RARA: variants seen among roughly 807,000 people sequenced by gnomAD.
RARA encodes PML-DDX5-RARA fusion.
A neutral mutation model predicts 42.8 loss-of-function variants in RARA; 5 were observed. That is an observed-to-expected ratio of 0.12 (90% confidence interval 0.06 to 0.25). The LOEUF (loss-of-function observed/expected upper bound fraction) is 0.25. Among genes scored for constraint, RARA ranks in the 10% least tolerant of loss-of-function variants. RARA has a pLI of 1.00. For missense variants in RARA, 402 were observed against 628.7 expected, an observed-to-expected ratio of 0.64 and a Z score of 3.86; for synonymous variants, 256 against 259.5, an observed-to-expected ratio of 0.99 and a Z score of 0.13.
At chr17:40,346,483 A>T (rs374785841) in intron 2 of RARA, among the ~76,000 whole-genome samples, 2 of 146,046 alleles carry the variant, frequency 1.4e-5, no homozygotes, top group African/African-American at 5.1e-5. Flanking sequence ...GGTCCCCCCA[A>T]CCCTCCACAT....
chr17:40,315,908 G>C (rs960235058), intron 1 of RARA, among the ~76,000 whole-genome samples: 5 of 152,160 alleles, frequency 3.3e-5, no homozygotes, highest in African/African-American at 1.2e-4. Context: ...GGCGCCCCGA[G>C]CCTGTGGCTT....
chr17:40,341,610 G>A, intron 2 of RARA: 2 of 1,356,446 alleles, frequency 1.5e-6, no homozygotes, highest in South Asian at 1.8e-5. Context: ...GATGTCACGG[G>A]CAGCGGTGGG....
At position 40,356,265 on chromosome 17, in the gene RARA, C is replaced by T. The variant is rs1391573099; in HGVS notation, c.*39C>T. The stretch of plus-strand genomic sequence containing the variant: ...ATGGACACAGCCCTCGCCCTCCGCC[C>T]CGGCTTTTCTCTGCCTTTCTACCGA... On this transcript the variant is annotated 3_prime_UTR_variant, in exon 9 of 9. Coordinates refer to ENST00000254066, the MANE Select transcript of RARA (RefSeq NM_000964.4). 1 of 1,535,776 alleles carries T rather than the reference C, an allele frequency of 6.5e-7. No homozygotes were observed. The highest frequency in any genetic ancestry group is 8.8e-7 in the Non-Finnish European group (1 of 1,135,002).
intron 2 of RARA, among the ~76,000 whole-genome samples, chr17:40,346,763 G>A (rs1342726316): frequency 6.6e-6 from 1 of 152,174 alleles, no homozygotes; most frequent in African/African-American, 2.4e-5. Flanking sequence ...AGCAGACGGC[G>A]GTGGGGAGGT....
chr17:40,357,390 C>G lies in RARA; in HGVS notation c.*1164C>G. 1 of 233,886 alleles carries G rather than the reference C, an allele frequency of 4.3e-6. No individual in the cohort carries two copies. Among genetic ancestry groups the G allele is most frequent in the Non-Finnish European group, 8.4e-6 (1 of 118,554 alleles). The allele number at this position is 233,886 out of a possible 1,614,324, so 14.5% of individuals were successfully genotyped here. ...TAGATGGGCCGACACACACTTGGCC[C>G]GAGTTCCTCCATTTCCCTGGCCTGC... is the stretch of plus-strand genomic sequence containing the variant. On this transcript the variant is annotated 3_prime_UTR_variant, in exon 9 of 9. Coordinates refer to ENST00000254066, the MANE Select transcript of RARA (RefSeq NM_000964.4).
At chr17:40,314,815 A>G (rs578131903) in intron 1 of RARA, among the ~76,000 whole-genome samples, 6 of 150,574 alleles carry the variant, frequency 4.0e-5, no homozygotes, top group African/African-American at 1.2e-4. Flanking sequence ...TCTCCCCCGG[A>G]TGCAGCTGAG....
chr17:40,351,998 G>T lies in RARA; in HGVS notation c.558G>T (p.Glu186Asp). 1 of 1,603,030 alleles carries T rather than the reference G, an allele frequency of 6.2e-7. No homozygotes were observed. The highest frequency in any genetic ancestry group is 1.1e-5 in the South Asian group (1 of 89,998). Residue 186 changes from glutamate to aspartate, a missense_variant, in exon 5 of 9, where the codon GAG becomes GAT. Physicochemically the swap from Glu to Asp is conservative, Grantham distance 45. This residue lies in a region of RARA where 130 missense variants were observed against 267.9 expected (regional missense o/e 0.49). Coordinates refer to ENST00000254066, the MANE Select transcript of RARA (RefSeq NM_000964.4). This position sits in a 1 kb window ranked among gnomAD's most constrained non-coding sequence, Gnocchi z 4.1. The stretch of plus-strand genomic sequence containing the variant: ...ACACGCTGACGCCGGAGGTGGGGGA[G>T]CTCATTGAGAAGGTGCGCAAAGCGC... ...ESYTLTPEVG[E>D]LIEKVRKAHQ... is the part of the protein sequence containing the mutation.
rs1450435318 is a variant in RARA, at chr17:40,349,852, C to T, written c.396C>T (p.Ile132=). 6.2e-7 allele frequency: 1 copy of T among 1,614,256 alleles called. No individual in the cohort carries two copies. Among genetic ancestry groups the T allele is most frequent in the Non-Finnish European group, 8.5e-7 (1 of 1,180,052 alleles). ...YTCHRDKNCI[I]NKVTRNRCQY... is the part of the protein sequence containing the mutation. ...GTCACCGGGACAAGAACTGCATCATCAACAAGGTGACCCGGAACCGCTGCC... is the reference window on the plus strand; with the variant it reads ...GTCACCGGGACAAGAACTGCATCATTAACAAGGTGACCCGGAACCGCTGCC... The change falls in exon 4 of 9, where the codon ATC becomes ATT. Residue 132 remains isoleucine (I), a synonymous_variant. Coordinates refer to ENST00000254066, the MANE Select transcript of RARA (RefSeq NM_000964.4).
rs1336739652 is a variant in RARA, at chr17:40,356,655, CAG to C, written c.*432_*433del. 7.4e-6 allele frequency: 4 copies of C among 536,982 alleles called. No individual in the cohort carries two copies. The highest frequency in any genetic ancestry group is 1.9e-5 in the African/African-American group (1 of 54,016). The allele number at this position is 536,982 out of a possible 1,614,324, so 33.3% of individuals were successfully genotyped here. On this transcript the variant is annotated 3_prime_UTR_variant, in exon 9 of 9. Coordinates refer to ENST00000254066, the MANE Select transcript of RARA (RefSeq NM_000964.4). ...ACCTCCCCCCTGCCTCGGTTGGTGA[CAG>C]AGGGGGTGGGACAGGGGCGGGGGGT...
chr17:40,354,198 A>T lies in RARA; in HGVS notation c.808-104A>T. 9.1e-7 allele frequency: 1 copy of T among 1,095,528 alleles called. No individual in the cohort carries two copies. The highest frequency in any genetic ancestry group is 1.3e-6 in the Non-Finnish European group (1 of 746,218). The allele number at this position is 1,095,528 out of a possible 1,614,324, so 67.9% of individuals were successfully genotyped here. ...TCTATCAGACAGCATTGCTCCGGCC[A>T]CCTGCCAGGTGGTCCTCCGGGAGTG... On this transcript the variant is annotated intron_variant, in intron 6 of 8. Transcript: ENST00000254066. The surrounding 1 kb of genome is among the most constrained non-coding windows in gnomAD (Gnocchi z 4.5).
rs1243816805 is a variant in RARA at position 40,331,314 on chromosome 17, G to C, written c.96G>C (p.Leu32=). 1 of 1,614,110 alleles carries C rather than the reference G, an allele frequency of 6.2e-7. No homozygotes were observed. The highest frequency in any genetic ancestry group is 1.7e-5 in the Admixed American group (1 of 60,008). The change falls in exon 2 of 9, where the codon CTG becomes CTC. Residue 32 remains leucine (L), a synonymous_variant. Coordinates refer to ENST00000254066, the MANE Select transcript of RARA (RefSeq NM_000964.4). ...PPYAFFFPPM[L]GGLSPPGALT... The stretch of plus-strand genomic sequence containing the variant: ...ACGCCTTCTTCTTCCCCCCTATGCT[G>C]GGTGGACTCTCCCCGCCAGGCGCTC...
At chr17:40,348,126 G>A (rs2034327444) in intron 2 of RARA, 190 bp from the exon 3 acceptor site, 1 of 578,422 alleles carries the variant, frequency 1.7e-6, no homozygotes, top group East Asian at 3.3e-5. Context: ...GTGATGGGGT[G>A]CTGGAGGCTT....
In RARA at chr17:40,348,369, C is replaced by T. The variant is rs2034335922; in HGVS notation, c.232C>T (p.Pro78Ser). 1 of 1,612,916 alleles carries T rather than the reference C, an allele frequency of 6.2e-7. No individual in the cohort carries two copies. The highest frequency in any genetic ancestry group is 8.5e-7 in the Non-Finnish European group (1 of 1,179,408). Reference protein sequence around the residue: ...SEEIVPSPPSPPPLPRIYKPC... With the variant: ...SEEIVPSPPSSPPLPRIYKPC... The stretch of plus-strand genomic sequence containing the variant: ...AGAGATAGTGCCCAGCCCTCCCTCG[C>T]CACCCCCTCTACCCCGCATCTACAA... The change falls in exon 3 of 9, where the codon CCA becomes TCA. Residue 78 changes from proline to serine, a missense_variant. Around this residue, in one of 5 missense-constraint regions of RARA, gnomAD observed 91 missense variants for 105.2 expected, o/e 0.87. Coordinates refer to ENST00000254066, the MANE Select transcript of RARA (RefSeq NM_000964.4).
chr17:40,339,700 T>G (rs1350076256), intron 2 of RARA, among the ~76,000 whole-genome samples: 1 of 152,190 alleles, frequency 6.6e-6, no homozygotes, highest in African/African-American at 2.4e-5. Context: ...GGGTCCTTAT[T>G]TATTTTTTAA....
In RARA at chr17:40,330,896, C is replaced by T. The variant is rs2033673383; in HGVS notation, c.-323C>T. 3.2e-6 allele frequency: 1 copy of T among 315,892 alleles called. No homozygotes were observed. Among genetic ancestry groups the T allele is most frequent in the Non-Finnish European group, 5.8e-6 (1 of 171,454 alleles). 19.6% of individuals were successfully genotyped at this position (315,892 alleles called of 1,614,324 possible). ...GCCCCCTCAGCCACCTAGCTGGGGCCCATCTAGGAGTGGCATCTTTTTTGG... is the reference window on the plus strand; with the variant it reads ...GCCCCCTCAGCCACCTAGCTGGGGCTCATCTAGGAGTGGCATCTTTTTTGG... On this transcript the variant is annotated 5_prime_UTR_variant, in exon 2 of 9. Coordinates refer to ENST00000254066, the MANE Select transcript of RARA (RefSeq NM_000964.4).
At position 40,355,175 on chromosome 17, in the gene RARA, A is replaced by G. The variant is rs1219703989; in HGVS notation, c.1013-88A>G. The stretch of plus-strand genomic sequence containing the variant: ...AGGCGCCTGCGAGCTGCCCTCCTCC[A>G]TGGCCTGGGCAGGCACGCCCCCCGG... On this transcript the variant is annotated intron_variant, in intron 7 of 8. Transcript: ENST00000254066. This position sits in a 1 kb window ranked among gnomAD's most constrained non-coding sequence, Gnocchi z 4.1. 2.0e-6 allele frequency: 3 copies of G among 1,463,502 alleles called. No individual in the cohort carries two copies. The highest frequency in any genetic ancestry group is 2.5e-5 in the East Asian group (1 of 40,112). 90.7% of individuals were successfully genotyped at this position (1,463,502 alleles called of 1,614,324 possible). A position where few individuals can be genotyped will look rare whatever the true frequency, so the allele number is the denominator to read the frequency against.
rs1353021557 is a variant in RARA, at chr17:40,355,341, G to A, written c.1091G>A (p.Arg364Gln). The A allele has an allele frequency of 2.5e-6, 4 of 1,612,940 alleles. No homozygotes were observed. Among genetic ancestry groups the A allele is most frequent in the African/African-American group, 1.3e-5 (1 of 74,894 alleles). ...CTGGAGGCGCTAAAGGTCTACGTGCGGAAGCGGAGGCCCAGCCGCCCCCAC... is the reference window on the plus strand; with the variant it reads ...CTGGAGGCGCTAAAGGTCTACGTGCAGAAGCGGAGGCCCAGCCGCCCCCAC... Reference protein sequence around the residue: ...PLLEALKVYVRKRRPSRPHMF... With the variant: ...PLLEALKVYVQKRRPSRPHMF... The change falls in exon 8 of 9, where the codon CGG becomes CAG. Residue 364 changes from arginine (R) to glutamine (Q), a missense_variant. Arg to Gln is a conservative substitution (Grantham distance 43). This residue lies in a region of RARA where 104 missense variants were observed against 160.1 expected (regional missense o/e 0.65). Transcript: ENST00000254066. This position sits in a 1 kb window ranked among gnomAD's most constrained non-coding sequence, Gnocchi z 4.1.
At chr17:40,325,962 C>G (rs905281623) in intron 1 of RARA, among the ~76,000 whole-genome samples, 2 of 152,194 alleles carry the variant, frequency 1.3e-5, no homozygotes, top group Admixed American at 1.3e-4. Flanking sequence ...TCCCCTTCTC[C>G]CCTCCCTAAA....
intron 2 of RARA, among the ~76,000 whole-genome samples, chr17:40,337,384 C>T (rs1048993598): frequency 6.6e-6 from 1 of 151,980 alleles, no homozygotes; most frequent in Admixed American, 6.5e-5. Context: ...AGGGAAGGCC[C>T]AAGCCATACC....
Sources: allele counts gnomAD v4.1 joint callset (sites outside exome capture counted in the v4.1 genomes callset), GRCh38; gene constraint gnomAD v4.1.1; regional missense constraint gnomAD v4.1.1; non-coding constraint Gnocchi (gnomAD v3.1); transcripts MANE v1.5; gene names NCBI Gene and HGNC (gene_info 2026-07-23, HGNC 2026-07-21).